Variants in DZANK1 observed in about 807,000 individuals in gnomAD.
DZANK1 encodes the protein double zinc ribbon and ankyrin repeat-containing protein 1.
Under a neutral mutation model 94.5 loss-of-function variants are expected in DZANK1, and 91 were observed. That is an observed-to-expected ratio of 0.96 (90% confidence interval 0.81 to 1.15). The LOEUF is 1.15. Among genes scored for constraint, DZANK1 ranks in the 50% most tolerant of loss-of-function variants. DZANK1 has a pLI of 0.00. For missense variants in DZANK1, 903 were observed against 916.4 expected, an observed-to-expected ratio of 0.99 and a Z score of 0.19; for synonymous variants, 312 against 325.3, an observed-to-expected ratio of 0.96 and a Z score of 0.44.
chr20:18,448,943 T>C, intron 7 of DZANK1, 41 bp downstream of exon 7: 3 of 1,502,500 alleles, frequency 2.0e-6, no homozygotes, highest in Non-Finnish European at 1.8e-6. Context: ...TGATGTATCT[T>C]TGTAGGATTT....
intron 19 of DZANK1, among the ~76,000 whole-genome samples, chr20:18,388,736 A>C (rs1424985564): frequency 6.6e-6 from 1 of 152,226 alleles, no homozygotes; most frequent in Non-Finnish European, 1.5e-5. Context: ...TTCTGCTGTA[A>C]AATAAAACTA....
intron 11 of DZANK1, among the ~76,000 whole-genome samples, chr20:18,414,873 T>C (rs2057414962): frequency 6.6e-6 from 1 of 152,164 alleles, no homozygotes; most frequent in African/African-American, 2.4e-5. Flanking sequence ...ATAGCACCAG[T>C]TTACTTATAC....
At chr20:18,422,344 TG>T (rs1600911651) in intron 10 of DZANK1, among the ~76,000 whole-genome samples, 1 of 152,206 alleles carries the variant, frequency 6.6e-6, no homozygotes, top group East Asian at 1.9e-4. Flanking sequence ...GAAAATCAAT[TG>T]ATGGTAGATG....
chr20:18,425,180 A>C (rs1236133184), intron 10 of DZANK1, among the ~76,000 whole-genome samples: 1 of 152,242 alleles, frequency 6.6e-6, no homozygotes. Flanking sequence ...CATATAAATC[A>C]TATCTCAATA....
At position 18,460,140 on chromosome 20, in the gene DZANK1, G is replaced by A; in HGVS notation, c.263+13C>T. ...TATCATAAATTAAATTAATCACCAT[G>A]CTCTTAACTTACTTAGAGACAGCAA... is the stretch of plus-strand genomic sequence containing the variant. On this transcript the variant is annotated intron_variant, in intron 3 of 20. Coordinates refer to ENST00000262547, the Ensembl canonical transcript of DZANK1. The A allele has an allele frequency of 6.8e-7, 1 of 1,473,040 alleles. No homozygotes were observed. Among genetic ancestry groups the A allele is most frequent in the Non-Finnish European group, 9.2e-7 (1 of 1,091,402 alleles). 91.2% of individuals were successfully genotyped at this position (1,473,040 alleles called of 1,614,324 possible).
chr20:18,398,395 A>C (rs1049321433), intron 14 of DZANK1, 128 bp downstream of exon 14: 1 of 777,668 alleles, frequency 1.3e-6, no homozygotes, highest in Non-Finnish European at 2.2e-6. Flanking sequence ...GAAGAGTAAG[A>C]AAGTGTAGAA....
At chr20:18,385,896 G>A (rs943169120) in intron 19 of DZANK1, among the ~76,000 whole-genome samples, 5 of 152,162 alleles carry the variant, frequency 3.3e-5, no homozygotes, top group Non-Finnish European at 7.4e-5. Context: ...GTTTCTCTCC[G>A]TATTTCCTGG....
At chr20:18,462,988 A>C (rs2059526814) in intron 2 of DZANK1, among the ~76,000 whole-genome samples, 1 of 151,876 alleles carries the variant, frequency 6.6e-6, no homozygotes, top group Non-Finnish European at 1.5e-5. Flanking sequence ...AATACCATTC[A>C]AGCTAGCAAT....
chr20:18,427,607 G>GTA (rs2058099223), intron 9 of DZANK1, among the ~76,000 whole-genome samples: 1 of 10,688 alleles, frequency 9.4e-5, no homozygotes. Context: ...GTAAGGTTGG[G>GTA]TGTGTGTGTG....
chr20:18,458,774 G>A (rs1016231012), intron 3 of DZANK1, among the ~76,000 whole-genome samples: 3 of 152,120 alleles, frequency 2.0e-5, no homozygotes, highest in African/African-American at 7.2e-5. Context: ...CCCCACATGA[G>A]GTCACATGAG....
At chr20:18,443,027 A>G in intron 8 of DZANK1, among the ~76,000 whole-genome samples, 1 of 152,232 alleles carries the variant, frequency 6.6e-6, no homozygotes. Context: ...TTATTTCTAG[A>G]ATATATTTCC....
intron 15 of DZANK1, 167 bp from the exon 16 acceptor site, chr20:18,394,517 A>C (rs1249609016): frequency 2.7e-6 from 2 of 738,680 alleles, no homozygotes; most frequent in Non-Finnish European, 4.7e-6. Context: ...TCACCTCCCC[A>C]GCATGCTTTG....
chr20:18,455,593 G>A (rs1301419155), intron 3 of DZANK1, among the ~76,000 whole-genome samples: 1 of 152,200 alleles, frequency 6.6e-6, no homozygotes, highest in Non-Finnish European at 1.5e-5. Flanking sequence ...ACATGAATCT[G>A]TGGATTCACG....
intron 10 of DZANK1, among the ~76,000 whole-genome samples, chr20:18,423,619 G>A (rs1346542028): frequency 6.6e-6 from 1 of 152,148 alleles, no homozygotes; most frequent in Non-Finnish European, 1.5e-5. Context: ...ATTATACAGA[G>A]TGTGCTCTCT....
intron 10 of DZANK1, 147 bp downstream of exon 10, chr20:18,426,920 A>C (rs550673167): frequency 1.3e-5 from 6 of 453,930 alleles, no homozygotes; most frequent in African/African-American, 5.9e-5. Context: ...AGTTCTCCCC[A>C]CATATGGAAA....
chr20:18,415,623 CAATT>C (rs895970423), intron 10 of DZANK1, among the ~76,000 whole-genome samples, 174 bp from the exon 11 acceptor site: 1 of 151,962 alleles, frequency 6.6e-6, no homozygotes, highest in African/African-American at 2.4e-5. Flanking sequence ...TGAGTTTCAC[CAATT>C]AATAAATTAG....
At chr20:18,433,243 T>C (rs1424011280) in intron 9 of DZANK1, 1 of 212,856 alleles carries the variant, frequency 4.7e-6, no homozygotes, top group Non-Finnish European at 9.4e-6. Flanking sequence ...TATTAGCTTA[T>C]CAATTGTTAC....
At chr20:18,421,074 A>T (rs1332286527) in intron 10 of DZANK1, 1 of 162,374 alleles carries the variant, frequency 6.2e-6, no homozygotes. Flanking sequence ...CCAGTATAGA[A>T]TATGCTATTG....
chr20:18,460,455 G>C, intron 2 of DZANK1, 149 bp from the exon 3 acceptor site: 1 of 659,842 alleles, frequency 1.5e-6, no homozygotes, highest in Non-Finnish European at 2.3e-6. Flanking sequence ...CTTAGGACAG[G>C]CATGTGGCTC....
Sources: gnomAD v4.1 joint callset for allele counts (sites outside exome capture counted in the v4.1 genomes callset) on GRCh38, gnomAD v4.1.1 for gene constraint, MANE v1.5 for transcripts, NCBI Gene and HGNC (gene_info 2026-07-23, HGNC 2026-07-21) for gene names.